FHOD3: variants seen among roughly 807,000 people sequenced by gnomAD.
FHOD3 encodes the protein FH1/FH2 domain-containing protein 3.
In FHOD3, 90 loss-of-function variants were observed where a neutral mutation model predicts 173.0. The observed-to-expected ratio is 0.52, with a 90% confidence interval of 0.44 to 0.62. The LOEUF is 0.62. FHOD3 is among the 20% of genes least tolerant of loss of function. The probability of loss-of-function intolerance (pLI) is 0.00; values close to 1 mark genes in which losing one functional copy is unlikely to be tolerated. For synonymous variants in FHOD3, 828 were observed against 823.0 expected, an observed-to-expected ratio of 1.01 and a Z score of -0.10; for missense variants, 1,945 against 2,034.7, an observed-to-expected ratio of 0.96 and a Z score of 0.85.
chr18:36,384,714 G>T (rs964098429), intron 3 of FHOD3, among the ~76,000 whole-genome samples: 1 of 152,184 alleles, frequency 6.6e-6, no homozygotes, highest in Admixed American at 6.5e-5. Flanking sequence ...AGACAAACTG[G>T]GTTCAAATCC....
intron 28 of FHOD3, among the ~76,000 whole-genome samples, chr18:36,770,040 T>C (rs2043309636): frequency 6.6e-6 from 1 of 152,222 alleles, no homozygotes; most frequent in African/African-American, 2.4e-5. Flanking sequence ...TGCCTGCTCC[T>C]GCCCACCCAA....
intron 9 of FHOD3, among the ~76,000 whole-genome samples, chr18:36,622,211 G>A (rs529029611): frequency 7.2e-5 from 11 of 152,204 alleles, no homozygotes; most frequent in Non-Finnish European, 1.5e-4. Flanking sequence ...CTATCAGCAA[G>A]CATAAAGTTT....
chr18:36,613,783 C>G (rs568411164), intron 9 of FHOD3, among the ~76,000 whole-genome samples: 2 of 152,130 alleles, frequency 1.3e-5, no homozygotes, highest in African/African-American at 4.8e-5. Flanking sequence ...AAATGATTCT[C>G]CAGCCTCAGC....
At chr18:36,345,742 A>G (rs1036650768) in intron 1 of FHOD3, among the ~76,000 whole-genome samples, 5 of 152,272 alleles carry the variant, frequency 3.3e-5, no homozygotes, top group African/African-American at 9.6e-5. Context: ...AGAATACAGA[A>G]GAAAATAATA....
At chr18:36,698,701 C>T (rs1467571237) in intron 17 of FHOD3, among the ~76,000 whole-genome samples, 1 of 152,208 alleles carries the variant, frequency 6.6e-6, no homozygotes, top group Non-Finnish European at 1.5e-5. Context: ...TATTTGTAAG[C>T]TAATGTGCTG....
intron 8 of FHOD3, among the ~76,000 whole-genome samples, chr18:36,608,002 A>C (rs1218824238): frequency 6.6e-6 from 1 of 152,146 alleles, no homozygotes; most frequent in African/African-American, 2.4e-5. Flanking sequence ...CTGAGCTCCC[A>C]CCAGAGTCAA....
intron 5 of FHOD3, among the ~76,000 whole-genome samples, chr18:36,546,932 A>G (rs1329444187): frequency 1.3e-5 from 2 of 152,232 alleles, no homozygotes; most frequent in Non-Finnish European, 2.9e-5. Flanking sequence ...CGAAGCAAGT[A>G]GTGAGATCTA....
At chr18:36,762,277 C>T (rs990032404) in intron 27 of FHOD3, among the ~76,000 whole-genome samples, 4 of 152,142 alleles carry the variant, frequency 2.6e-5, no homozygotes, top group Non-Finnish European at 5.9e-5. Flanking sequence ...ATTGTAGTTT[C>T]CTATGAACCA....
chr18:36,355,756 A>G lies in FHOD3; in HGVS notation c.272+111A>G, dbSNP rs564860852. ...CTACCATGGCTTTGACCTTCTCTTA[A>G]TTCTCAATCACACACGAGGGAGATG... On this transcript the variant is annotated intron_variant, in intron 2 of 28. Coordinates refer to ENST00000590592, the MANE Select transcript of FHOD3 (RefSeq NM_001281740.3). 42 of 824,544 alleles carry G rather than the reference A, an allele frequency of 5.1e-5. 1 individual carries two copies. The South Asian group carries it at 6.4e-4, about 12-fold the overall frequency. 51.1% of individuals were successfully genotyped at this position (824,544 alleles called of 1,614,324 possible).
intron 17 of FHOD3, among the ~76,000 whole-genome samples, chr18:36,695,353 TAA>T (rs56112529): frequency 9.2e-5 from 10 of 108,948 alleles, no homozygotes; most frequent in Admixed American, 1.9e-4. Context: ...GTCTCAAAAA[TAA>T]AAAAAAAAAA....
chr18:36,532,960 G>A (rs548130278), intron 5 of FHOD3, among the ~76,000 whole-genome samples: 38 of 152,322 alleles, frequency 2.5e-4, no homozygotes, highest in African/African-American at 7.9e-4. Flanking sequence ...TGTCCCCAGC[G>A]TGATGCCCCA....
intron 3 of FHOD3, among the ~76,000 whole-genome samples, chr18:36,470,663 G>A (rs111842299): frequency 1.2e-3 from 179 of 151,452 alleles, no homozygotes; most frequent in African/African-American, 3.8e-3. Flanking sequence ...CATTGGCTTT[G>A]TTTGTTCCCT....
chr18:36,704,191 A>T (rs2039742446), intron 17 of FHOD3, among the ~76,000 whole-genome samples: 1 of 152,150 alleles, frequency 6.6e-6, no homozygotes, highest in Non-Finnish European at 1.5e-5. Context: ...CCAACCTTCA[A>T]ATCTAGCTGC....
At position 36,602,694 on chromosome 18, in the gene FHOD3, A is replaced by G. The variant is rs368891038; in HGVS notation, c.739A>G (p.Ile247Val). The part of the protein sequence containing the change: ...TKRGVKPWSN[I>V]MEILEEKDGV... ...CATAGGGGTCAAACCTTGGTCAAAT[A>G]TCATGGAAATCCTGGAGGAAAAAGA... The change falls in exon 8 of 29, where the codon ATC becomes GTC. Residue 247 changes from isoleucine to valine, a missense_variant. Around this residue, in one of 5 missense-constraint regions of FHOD3, gnomAD observed 1,099 missense variants for 1,051.2 expected, o/e 1.05. Transcript: ENST00000590592. 35 of 1,614,052 alleles carry G rather than the reference A, an allele frequency of 2.2e-5. 1 individual carries two copies. In the South Asian group the frequency reaches 2.3e-4, roughly 11 times the overall value.
chr18:36,769,369 C>T lies in FHOD3; in HGVS notation c.4729C>T (p.Pro1577Ser), dbSNP rs1260467779. ...DRIVKSATQVPSQRVVPRERK... is the reference protein window; with the variant it reads ...DRIVKSATQVSSQRVVPRERK... ...CATCGTCAAGTCAGCCACCCAAGTG[C>T]CCAGTCAGCGAGTGGTGCCGAGGGA... The change falls in exon 28 of 29, where the codon CCC becomes TCC. Residue 1577 changes from proline (P) to serine (S), a missense_variant. Physicochemically the swap from Pro to Ser is moderately conservative, Grantham distance 74. Around this residue, in one of 5 missense-constraint regions of FHOD3, gnomAD observed 354 missense variants for 359.9 expected, o/e 0.98. Coordinates refer to ENST00000590592, the MANE Select transcript of FHOD3 (RefSeq NM_001281740.3). 3 of 1,614,010 alleles carry T rather than the reference C, an allele frequency of 1.9e-6. No homozygotes were observed. Among genetic ancestry groups the T allele is most frequent in the South Asian group, 1.1e-5 (1 of 91,090 alleles).
chr18:36,388,864 A>G (rs535692578), intron 3 of FHOD3, among the ~76,000 whole-genome samples: 1 of 152,074 alleles, frequency 6.6e-6, no homozygotes, highest in South Asian at 2.1e-4. Flanking sequence ...GGTATTTGCC[A>G]TGGGAATTTG....
chr18:36,311,286 G>A (rs375028891), intron 1 of FHOD3, among the ~76,000 whole-genome samples: 3 of 152,150 alleles, frequency 2.0e-5, no homozygotes, highest in East Asian at 3.9e-4. Context: ...TCAAGTGTTA[G>A]CCAGTGAGGG....
In FHOD3 at chr18:36,755,145, G is replaced by A; in HGVS notation, c.4259G>A (p.Gly1420Asp). The change falls in exon 25 of 29, where the codon GGC becomes GAC. Residue 1420 changes from glycine (G) to aspartate (D), a missense_variant. Physicochemically the swap from Gly to Asp is moderately conservative, Grantham distance 94. This residue lies in a region of FHOD3 where 354 missense variants were observed against 359.9 expected (regional missense o/e 0.98). Coordinates refer to ENST00000590592, the MANE Select transcript of FHOD3 (RefSeq NM_001281740.3). Reference protein sequence around the residue: ...NRFHSFLLFMGHPPYAIREVN... With the variant: ...NRFHSFLLFMDHPPYAIREVN... ...TTCCACTCCTTTTTACTCTTTATGG[G>A]CCATCCACCTTATGCAATTCGGGAA... 1 of 1,606,676 alleles carries A rather than the reference G, an allele frequency of 6.2e-7. No homozygotes were observed. The highest frequency in any genetic ancestry group is 8.5e-7 in the Non-Finnish European group (1 of 1,176,838).
Position 36,602,756 on chromosome 18 carries a change from T to C in FHOD3, c.801T>C (p.Thr267=). Residue 267 remains threonine (T), a synonymous_variant, in exon 8 of 29, where the codon ACT becomes ACC. Coordinates refer to ENST00000590592, the MANE Select transcript of FHOD3 (RefSeq NM_001281740.3). ...VDTELLVYAM[T]LVNKTLSGLP... is the part of the protein sequence containing the mutation. ...CGGAGCTACTGGTTTATGCAATGAC[T>C]TTGGTGAACAAGGTTGGTTGACTAT... The C allele has an allele frequency of 2.5e-6, 4 of 1,614,000 alleles. No homozygotes were observed. Among genetic ancestry groups the C allele is most frequent in the Non-Finnish European group, 3.4e-6 (4 of 1,179,846 alleles).
Sources: allele counts gnomAD v4.1 joint callset (sites outside exome capture counted in the v4.1 genomes callset), GRCh38; gene constraint gnomAD v4.1.1; regional missense constraint gnomAD v4.1.1; transcripts MANE v1.5; gene names NCBI Gene and HGNC (gene_info 2026-07-23, HGNC 2026-07-21).